The following FGF12 variants were observed in gnomAD, a reference collection of about 807,000 sequenced individuals.
FGF12 encodes fibroblast growth factor 12B.
FGF12 carries 14 observed loss-of-function variants against 23.6 expected under a neutral mutation model. The observed-to-expected ratio is 0.59, with a 90% confidence interval of 0.39 to 0.93. The LOEUF (loss-of-function observed/expected upper bound fraction) is 0.93. Ranked by LOEUF, FGF12 falls within the 40% of genes least tolerant of loss-of-function variation. The probability of loss-of-function intolerance (pLI) is 0.00; values close to 1 mark genes in which losing one functional copy is unlikely to be tolerated. For missense variants in FGF12, 175 were observed against 217.8 expected, an observed-to-expected ratio of 0.80 and a Z score of 1.24; for synonymous variants, 62 against 77.3, an observed-to-expected ratio of 0.80 and a Z score of 1.04.
intron 4 of FGF12, among the ~76,000 whole-genome samples, chr3:192,276,042 C>T (rs1415566692): frequency 2.0e-5 from 3 of 152,200 alleles, no homozygotes; most frequent in African/African-American, 7.2e-5. Flanking sequence ...AATAACGTTA[C>T]TTACTTTTCT....
chr3:192,480,702 T>G (rs950285827), intron 2 of FGF12, among the ~76,000 whole-genome samples: 1 of 152,176 alleles, frequency 6.6e-6, no homozygotes, highest in African/African-American at 2.4e-5. Context: ...AAAGTTTCTG[T>G]CCAAAGTCCC....
intron 4 of FGF12, among the ~76,000 whole-genome samples, chr3:192,269,160 C>T (rs912556833): frequency 7.4e-5 from 9 of 120,936 alleles, no homozygotes; most frequent in East Asian, 3.3e-3. Context: ...AGTGATCCAC[C>T]AGCCTTGTCC....
At chr3:192,474,019 C>T (rs1723245699) in intron 2 of FGF12, among the ~76,000 whole-genome samples, 1 of 152,178 alleles carries the variant, frequency 6.6e-6, no homozygotes, top group Non-Finnish European at 1.5e-5. Context: ...TTGTAAGCCA[C>T]TCAGCTTTAT....
At chr3:192,647,721 A>G (rs1352984432) in intron 2 of FGF12, among the ~76,000 whole-genome samples, 1 of 146,738 alleles carries the variant, frequency 6.8e-6, no homozygotes, top group Non-Finnish European at 1.5e-5. Flanking sequence ...ACATATATAT[A>G]TACACATATA....
At chr3:192,564,452 T>C (rs1712190185) in intron 2 of FGF12, among the ~76,000 whole-genome samples, 1 of 152,178 alleles carries the variant, frequency 6.6e-6, no homozygotes, top group Non-Finnish European at 1.5e-5. Context: ...ACTTTATGCT[T>C]CGGGGACAGT....
chr3:192,272,777 A>G lies in FGF12; in HGVS notation c.228+62584T>C, dbSNP rs189418084. On this transcript the variant is annotated intron_variant, in intron 4 of 5. Coordinates refer to ENST00000445105, the MANE Select transcript of FGF12 (RefSeq NM_004113.6). ...GAGCCCAAAAATAGCCCAACTGATCATAGCCATTGTAAAAATATTCATGGA... is the reference window on the plus strand; with the variant it reads ...GAGCCCAAAAATAGCCCAACTGATCGTAGCCATTGTAAAAATATTCATGGA... 1.6e-3 allele frequency among the ~76,000 whole-genome samples: 247 copies of G among 152,292 alleles called. 2 individuals carry two copies. The highest frequency in any genetic ancestry group is 5.7e-3 in the African/African-American group (235 of 41,582).
chr3:192,175,953 C>G (rs115871344), intron 4 of FGF12, among the ~76,000 whole-genome samples: 6,620 of 152,242 alleles, frequency 0.043, 186 homozygotes, highest in Admixed American at 0.059. Context: ...TTAGGGTCTA[C>G]CACTGCCCAG....
At chr3:192,559,835 G>A (rs1284670050) in intron 2 of FGF12, among the ~76,000 whole-genome samples, 2 of 12,542 alleles carry the variant, frequency 1.6e-4, no homozygotes, top group African/African-American at 3.5e-4. Flanking sequence ...ACTAAAGTTC[G>A]TTAATGAATT....
rs139505550 is a variant in FGF12, at chr3:192,656,660, C to A, written c.13+70521G>T. Among the ~76,000 whole-genome samples the A allele has an allele frequency of 7.0e-4, 107 of 152,238 alleles. 1 individual carries two copies. The highest frequency in any genetic ancestry group is 2.5e-3 in the African/African-American group (104 of 41,538). ...AACCAAAGACTTAAGCCATACATAT[C>A]CAGTAACAATGCCAGCTACTTCAAG... On this transcript the variant is annotated intron_variant, in intron 2 of 5. Coordinates refer to ENST00000445105, the MANE Select transcript of FGF12 (RefSeq NM_004113.6).
intron 2 of FGF12, among the ~76,000 whole-genome samples, chr3:192,709,094 T>C (rs1219500662): frequency 6.6e-6 from 1 of 152,244 alleles, no homozygotes; most frequent in Admixed American, 6.5e-5. Flanking sequence ...ACATCTGTTG[T>C]GTACTTTCAA....
At chr3:192,690,294 T>C (rs1244081511) in intron 2 of FGF12, among the ~76,000 whole-genome samples, 7 of 151,992 alleles carry the variant, frequency 4.6e-5, no homozygotes, top group Non-Finnish European at 1.0e-4. Flanking sequence ...AAGTTGCTTA[T>C]AGTGCCACTA....
intron 4 of FGF12, among the ~76,000 whole-genome samples, chr3:192,274,957 G>GA (rs1171321270): frequency 8.6e-5 from 13 of 151,578 alleles, no homozygotes; most frequent in African/African-American, 2.2e-4. Flanking sequence ...TTTTCAAAGG[G>GA]AAAAAAAATA....
intron 2 of FGF12, among the ~76,000 whole-genome samples, chr3:192,580,039 T>G (rs1260771257): frequency 1.3e-5 from 2 of 152,184 alleles, no homozygotes; most frequent in Admixed American, 1.3e-4. Context: ...CTCCCTGACC[T>G]CAAATAACTT....
chr3:192,258,697 G>GCAAAAGTT (rs1712562587), intron 4 of FGF12, among the ~76,000 whole-genome samples: 1 of 152,044 alleles, frequency 6.6e-6, no homozygotes, highest in Non-Finnish European at 1.5e-5. Flanking sequence ...ACTTTTGGGT[G>GCAAAAGTT]ACTCAAAAGC....
At chr3:192,366,672 G>A (rs1052468536) in intron 2 of FGF12, among the ~76,000 whole-genome samples, 1 of 152,090 alleles carries the variant, frequency 6.6e-6, no homozygotes, top group Non-Finnish European at 1.5e-5. Context: ...GGCAAAACAG[G>A]AACCTGTCCA....
chr3:192,545,276 C>T (rs1334703736), intron 2 of FGF12, among the ~76,000 whole-genome samples: 3 of 152,260 alleles, frequency 2.0e-5, no homozygotes, highest in Admixed American at 1.3e-4. Context: ...ACAATTGTAC[C>T]AATTTATCAT....
chr3:192,399,263 T>A (rs1387068139), intron 2 of FGF12, among the ~76,000 whole-genome samples: 1 of 152,126 alleles, frequency 6.6e-6, no homozygotes, highest in African/African-American at 2.4e-5. Context: ...TCTCTCCTCA[T>A]GAATGGGATT....
chr3:192,168,013 C>T (rs951353130), intron 5 of FGF12, among the ~76,000 whole-genome samples: 2 of 151,562 alleles, frequency 1.3e-5, no homozygotes, highest in African/African-American at 4.9e-5. Context: ...GATCCGCCCA[C>T]CTCGGTCTCC....
intron 2 of FGF12, among the ~76,000 whole-genome samples, chr3:192,581,478 G>T (rs1560158210): frequency 2.6e-5 from 2 of 78,272 alleles, no homozygotes; most frequent in African/African-American, 5.4e-5. Context: ...ATATATATGT[G>T]TGTGTGTGTA....
Sources: gnomAD v4.1 joint callset for allele counts (sites outside exome capture counted in the v4.1 genomes callset) on GRCh38, gnomAD v4.1.1 for gene constraint, MANE v1.5 for transcripts, NCBI Gene and HGNC (gene_info 2026-07-23, HGNC 2026-07-21) for gene names.